PTK2: variants seen among roughly 807,000 people sequenced by gnomAD.
The protein encoded by PTK2 is protein tyrosine kinase 2.
A neutral mutation model predicts 150.1 loss-of-function variants in PTK2; 45 were observed. That is an observed-to-expected ratio of 0.30 (90% CI 0.24 to 0.38). The LOEUF is 0.38. Among genes scored for constraint, PTK2 ranks in the 10% least tolerant of loss-of-function variants. The probability of loss-of-function intolerance (pLI) is 1.00; values close to 1 mark genes in which losing one functional copy is unlikely to be tolerated. For synonymous variants in PTK2, 432 were observed against 449.2 expected, an observed-to-expected ratio of 0.96 and a Z score of 0.48; for missense variants, 919 against 1,307.3, an observed-to-expected ratio of 0.70 and a Z score of 4.58.
At chr8:140,802,629 A>C (rs2100095783) in intron 11 of PTK2, among the ~76,000 whole-genome samples, 1 of 152,224 alleles carries the variant, frequency 6.6e-6, no homozygotes, top group African/African-American at 2.4e-5. Flanking sequence ...AGCAGCTTCC[A>C]ATCCTGCAAG....
At chr8:140,786,980 G>A (rs960319244) in intron 14 of PTK2, among the ~76,000 whole-genome samples, 37 of 152,136 alleles carry the variant, frequency 2.4e-4, no homozygotes, top group Non-Finnish European at 1.5e-5. Flanking sequence ...AGATGAGGAG[G>A]TGAGGGAAGA....
chr8:140,839,415 A>G (rs968354894), intron 7 of PTK2, among the ~76,000 whole-genome samples: 2 of 152,218 alleles, frequency 1.3e-5, no homozygotes, highest in Non-Finnish European at 2.9e-5. Flanking sequence ...GCAGATTGAG[A>G]CACCCCAGTA....
intron 17 of PTK2, 34 bp from the exon 21 acceptor site, chr8:140,746,894 T>TTC: frequency 1.7e-6 from 1 of 593,188 alleles, no homozygotes; most frequent in Non-Finnish European, 2.4e-6. Context: ...TATTCTTTCT[T>TTC]TTTTTTTTTT....
intron 22 of PTK2, among the ~76,000 whole-genome samples, chr8:140,718,925 C>A (rs2100041254): frequency 6.6e-6 from 1 of 152,190 alleles, no homozygotes; most frequent in African/African-American, 2.4e-5. Context: ...CGCCTGTAAT[C>A]CCAGCACTTT....
chr8:140,666,702 A>G (rs975900114), intron 30 of PTK2, among the ~76,000 whole-genome samples: 2 of 152,210 alleles, frequency 1.3e-5, no homozygotes, highest in Non-Finnish European at 2.9e-5. Context: ...AGCCGCTGTG[A>G]AAAACAGAAT....
In PTK2 at chr8:140,833,669, T is replaced by C. The variant is rs140887165; in HGVS notation, c.594-3143A>G. ...CCAAACTCTACACAACTGTCCTGTA[T>C]GCGAATAAAACAACAAATACAACTT... On this transcript the variant is annotated intron_variant, in intron 7 of 31. Transcript: ENST00000522684. 4.5e-3 allele frequency among the ~76,000 whole-genome samples: 681 copies of C among 152,344 alleles called. 4 individuals are homozygous for C. The highest frequency in any genetic ancestry group is 0.016 in the African/African-American group (646 of 41,578).
chr8:140,927,571 T>C (rs997531495), intron 1 of PTK2, among the ~76,000 whole-genome samples: 1 of 152,174 alleles, frequency 6.6e-6, no homozygotes, highest in Non-Finnish European at 1.5e-5. Context: ...ACAACCTGCA[T>C]TTCTCAGCTA....
At chr8:140,768,775 T>A (rs1176845261) in intron 14 of PTK2, among the ~76,000 whole-genome samples, 2 of 152,204 alleles carry the variant, frequency 1.3e-5, no homozygotes, top group Non-Finnish European at 2.9e-5. Flanking sequence ...AAAATGAAGC[T>A]CAAATCTCTG....
chr8:140,870,027 G>A (rs1443192775), intron 4 of PTK2, among the ~76,000 whole-genome samples: 1 of 151,536 alleles, frequency 6.6e-6, no homozygotes, highest in African/African-American at 2.4e-5. Context: ...ATAACATGAC[G>A]ATAAGCTTGA....
intron 22 of PTK2, among the ~76,000 whole-genome samples, chr8:140,733,761 A>G (rs1434621506): frequency 1.3e-5 from 2 of 152,214 alleles, no homozygotes; most frequent in Non-Finnish European, 2.9e-5. Flanking sequence ...CTGAAGGCCT[A>G]TCGTGTGAAA....
At chr8:140,854,335 T>C (rs1487174129) in intron 5 of PTK2, among the ~76,000 whole-genome samples, 1 of 152,246 alleles carries the variant, frequency 6.6e-6, no homozygotes, top group Non-Finnish European at 1.5e-5. Flanking sequence ...GCATCCTCAA[T>C]GCAGATTAAT....
At chr8:140,980,553 C>T (rs1193395555) in intron 1 of PTK2, among the ~76,000 whole-genome samples, 1 of 151,862 alleles carries the variant, frequency 6.6e-6, no homozygotes, top group Non-Finnish European at 1.5e-5. Flanking sequence ...ACCCGGGAGG[C>T]GGAGGTTGCA....
chr8:140,978,068 G>A (rs893640635), intron 1 of PTK2, among the ~76,000 whole-genome samples: 1 of 152,186 alleles, frequency 6.6e-6, no homozygotes, highest in Non-Finnish European at 1.5e-5. Flanking sequence ...GTAGAAAGCT[G>A]AATCTGGATC....
At chr8:140,935,469 A>G (rs2100173281) in intron 1 of PTK2, among the ~76,000 whole-genome samples, 1 of 152,086 alleles carries the variant, frequency 6.6e-6, no homozygotes, top group Non-Finnish European at 1.5e-5. Context: ...GGACCCATCA[A>G]CTGTAGACAG....
chr8:140,719,403 T>G (rs779565146), intron 22 of PTK2, among the ~76,000 whole-genome samples: 13 of 152,064 alleles, frequency 8.5e-5, no homozygotes, highest in Non-Finnish European at 1.8e-4. Context: ...TGGTCCCATG[T>G]GCCAGGCCCA....
At chr8:140,805,181 T>C (rs1275647437) in intron 10 of PTK2, among the ~76,000 whole-genome samples, 1 of 152,206 alleles carries the variant, frequency 6.6e-6, no homozygotes, top group African/African-American at 2.4e-5. Context: ...ACCACATGGA[T>C]GTCTGCAAGA....
intron 7 of PTK2, among the ~76,000 whole-genome samples, chr8:140,839,867 A>G (rs1469938973): frequency 6.6e-6 from 1 of 152,226 alleles, no homozygotes; most frequent in Non-Finnish European, 1.5e-5. Flanking sequence ...AAGAAATCGA[A>G]GCACAAGACA....
At chr8:140,832,190 G>A (rs745850146) in intron 7 of PTK2, among the ~76,000 whole-genome samples, 1 of 152,140 alleles carries the variant, frequency 6.6e-6, no homozygotes, top group Non-Finnish European at 1.5e-5. Flanking sequence ...AAGTAGCTGG[G>A]TTTACAGGCC....
At chr8:140,818,848 T>C (rs2154601756) in intron 9 of PTK2, 32 bp downstream of exon 9, 1 of 1,599,328 alleles carries the variant, frequency 6.3e-7, no homozygotes, top group African/African-American at 1.3e-5. Context: ...AAAATCAAAC[T>C]AGCCCACTAT....
Sources: allele counts gnomAD v4.1 joint callset (sites outside exome capture counted in the v4.1 genomes callset), GRCh38; gene constraint gnomAD v4.1.1; transcripts MANE v1.5; gene names NCBI Gene and HGNC (gene_info 2026-07-23, HGNC 2026-07-21).